CLVS1: variants seen among roughly 807,000 people sequenced by gnomAD.
CLVS1 encodes clavesin 1.
Under a neutral mutation model 33.1 loss-of-function variants are expected in CLVS1, and 10 were observed. That is an observed-to-expected ratio of 0.30 (90% CI 0.19 to 0.51). The LOEUF is 0.51. Among genes scored for constraint, CLVS1 ranks in the 20% least tolerant of loss-of-function variants. The probability of loss-of-function intolerance (pLI) is 0.97; values close to 1 mark genes in which losing one functional copy is unlikely to be tolerated. For synonymous variants in CLVS1, 163 were observed against 166.1 expected (o/e 0.98, Z 0.14); for missense variants, 343 against 433.4 (o/e 0.79, Z 1.85).
chr8:61,058,800 C>A (rs1329307359), intron 1 of CLVS1, among the ~76,000 whole-genome samples: 2 of 151,824 alleles, frequency 1.3e-5, no homozygotes, highest in African/African-American at 4.8e-5. Context: ...AGTGTATATT[C>A]TTTTTTTGTC....
At chr8:61,330,039 TG>T (rs1387242506) in intron 2 of CLVS1, among the ~76,000 whole-genome samples, 15 of 152,172 alleles carry the variant, frequency 9.9e-5, no homozygotes, top group Admixed American at 9.2e-4. Context: ...CATGCCCACC[TG>T]CAGCTGGTAC....
intron 3 of CLVS1, among the ~76,000 whole-genome samples, chr8:61,415,818 C>A (rs1248104979): frequency 1.3e-5 from 2 of 152,156 alleles, no homozygotes; most frequent in East Asian, 3.9e-4. Context: ...AAATGGTGCA[C>A]AAGATGATCC....
chr8:61,288,262 C>T (rs1244355766), intron 1 of CLVS1, 124 bp downstream of exon 1: 2 of 456,610 alleles, frequency 4.4e-6, no homozygotes, highest in Non-Finnish European at 8.8e-6. Flanking sequence ...ATCTGCAATC[C>T]CTCTGCACTC....
chr8:61,175,269 G>A (rs1807092253), intron 2 of CLVS1, among the ~76,000 whole-genome samples: 1 of 152,086 alleles, frequency 6.6e-6, no homozygotes, highest in Non-Finnish European at 1.5e-5. Flanking sequence ...CTCATGAATG[G>A]GATTAGTGCC....
At chr8:61,226,141 A>G (rs1808324116) in intron 2 of CLVS1, among the ~76,000 whole-genome samples, 1 of 152,222 alleles carries the variant, frequency 6.6e-6, no homozygotes, top group African/African-American at 2.4e-5. Context: ...AGTGAACATA[A>G]TCATTGTGCT....
At chr8:61,155,288 A>G (rs183213195) in intron 2 of CLVS1, among the ~76,000 whole-genome samples, 19 of 152,296 alleles carry the variant, frequency 1.2e-4, no homozygotes, top group African/African-American at 2.9e-4. Flanking sequence ...TGTTTCCCCA[A>G]TGCAGGATTT....
chr8:61,436,973 G>A (rs1563552894), intron 3 of CLVS1, among the ~76,000 whole-genome samples: 1 of 152,184 alleles, frequency 6.6e-6, no homozygotes, highest in Admixed American at 6.5e-5. Flanking sequence ...CAAGGGGAAG[G>A]GAAGTAGGGA....
chr8:61,076,369 T>C (rs1804910963), intron 1 of CLVS1, among the ~76,000 whole-genome samples: 1 of 152,218 alleles, frequency 6.6e-6, no homozygotes, highest in South Asian at 2.1e-4. Flanking sequence ...GCCTTTTCCT[T>C]TTCCCTGTGA....
chr8:61,301,019 C>T (rs1256158247), intron 2 of CLVS1: 1 of 152,216 alleles, frequency 6.6e-6, no homozygotes, highest in Non-Finnish European at 1.5e-5. Context: ...TTCATTGTTG[C>T]AACAGCTTCT....
At chr8:61,281,496 C>A (rs1809670413) in intron 2 of CLVS1, among the ~76,000 whole-genome samples, 1 of 152,188 alleles carries the variant, frequency 6.6e-6, no homozygotes, top group Admixed American at 6.5e-5. Flanking sequence ...AGGTAGCCAT[C>A]TGCAAAACAA....
At chr8:61,385,918 A>G (rs1404099044) in intron 3 of CLVS1, among the ~76,000 whole-genome samples, 121 of 152,196 alleles carry the variant, frequency 8.0e-4, no homozygotes, top group Admixed American at 7.9e-3. Flanking sequence ...GATGCCAGGC[A>G]ATGACAAGCA....
At chr8:61,263,083 C>T (rs1394361930) in intron 2 of CLVS1, among the ~76,000 whole-genome samples, 1 of 152,298 alleles carries the variant, frequency 6.6e-6, no homozygotes, top group African/African-American at 2.4e-5. Flanking sequence ...AGTCACCTCC[C>T]TGGGAAACTT....
chr8:61,336,894 A>G (rs1811826744), intron 2 of CLVS1, among the ~76,000 whole-genome samples: 1 of 152,194 alleles, frequency 6.6e-6, no homozygotes, highest in Admixed American at 6.5e-5. Flanking sequence ...ACAAACAAAA[A>G]AATAAAACCT....
At chr8:60,968,235 C>T in the CLVS1 span, among the ~76,000 whole-genome samples, 12 of 152,284 alleles carry the variant, frequency 7.9e-5, no homozygotes, top group East Asian at 1.2e-3. Flanking sequence ...CAAGGCCGGG[C>T]GCAGTGGCTC....
chr8:60,979,330 A>G, the CLVS1 span, among the ~76,000 whole-genome samples: 3 of 152,242 alleles, frequency 2.0e-5, no homozygotes, highest in Non-Finnish European at 2.9e-5. Flanking sequence ...CTGTGTAACC[A>G]AGACCTCTTT....
At chr8:61,201,763 A>G (rs1197931673) in intron 2 of CLVS1, among the ~76,000 whole-genome samples, 4 of 152,210 alleles carry the variant, frequency 2.6e-5, no homozygotes, top group Non-Finnish European at 5.9e-5. Flanking sequence ...TTCCTCTAAC[A>G]AGTGTCTGTT....
intron 2 of CLVS1, among the ~76,000 whole-genome samples, chr8:61,254,489 T>C (rs1809028945): frequency 6.6e-6 from 1 of 152,192 alleles, no homozygotes; most frequent in Admixed American, 6.5e-5. Flanking sequence ...TTCTGCTGCC[T>C]TTTGTTTGGC....
chr8:61,052,052 C>T, the CLVS1 span, among the ~76,000 whole-genome samples: 1 of 152,190 alleles, frequency 6.6e-6, no homozygotes, highest in Non-Finnish European at 1.5e-5. Flanking sequence ...GGGGAACCAT[C>T]AGTGAGGGGG....
intron 2 of CLVS1, among the ~76,000 whole-genome samples, chr8:61,165,057 G>A (rs773460773): frequency 2.0e-4 from 30 of 152,236 alleles, no homozygotes; most frequent in Non-Finnish European, 3.8e-4. Flanking sequence ...GGTCACGGAA[G>A]AGAACTGTGG....
Sources: gnomAD v4.1 joint callset for allele counts (sites outside exome capture counted in the v4.1 genomes callset) on GRCh38, gnomAD v4.1.1 for gene constraint, MANE v1.5 for transcripts, NCBI Gene and HGNC (gene_info 2026-07-23, HGNC 2026-07-21) for gene names.